The following NR2C2 variants were observed in gnomAD, a reference collection of about 807,000 sequenced individuals.
NR2C2 encodes the protein Nuclear hormone receptor TR4.
NR2C2 carries 6 observed loss-of-function variants against 62.9 expected under a neutral mutation model. The ratio of observed to expected loss-of-function variants is 0.10; its 90% confidence interval spans 0.05 to 0.19. The LOEUF is 0.19. Among genes scored for constraint, NR2C2 ranks in the 10% least tolerant of loss-of-function variants. The probability of loss-of-function intolerance (pLI) is 1.00; values close to 1 mark genes in which losing one functional copy is unlikely to be tolerated. For synonymous variants in NR2C2, 272 were observed against 273.8 expected (o/e 0.99, Z 0.07); for missense variants, 479 against 762.7 (o/e 0.63, Z 4.38).
chr3:15,038,960 G>A, intron 12 of NR2C2, 162 bp from the exon 13 acceptor site: 1 of 620,268 alleles, frequency 1.6e-6, no homozygotes, highest in East Asian at 2.8e-5. Flanking sequence ...GAAAACAGAG[G>A]AAAAGCCAGT....
At chr3:15,041,141 G>A (rs534031133) in intron 13 of NR2C2, among the ~76,000 whole-genome samples, 1 of 152,344 alleles carries the variant, frequency 6.6e-6, no homozygotes, top group South Asian at 2.1e-4. Flanking sequence ...ACTCGAGATA[G>A]TTCTCAAAGA....
At chr3:14,950,379 A>C (rs2039317218) in intron 1 of NR2C2, among the ~76,000 whole-genome samples, 2 of 152,202 alleles carry the variant, frequency 1.3e-5, no homozygotes, top group South Asian at 4.1e-4. Flanking sequence ...ACTAGAACCC[A>C]CGTAATGGCA....
At chr3:14,955,972 C>T (rs2039513658) in intron 1 of NR2C2, among the ~76,000 whole-genome samples, 2 of 152,226 alleles carry the variant, frequency 1.3e-5, no homozygotes, top group South Asian at 2.1e-4. Context: ...CTACCATATA[C>T]ATATCATTGC....
intron 1 of NR2C2, among the ~76,000 whole-genome samples, chr3:14,996,922 T>C (rs1289795082): frequency 6.6e-6 from 1 of 152,212 alleles, no homozygotes; most frequent in Non-Finnish European, 1.5e-5. Context: ...TCTGTCAGAT[T>C]CCATAGCCTG....
chr3:14,998,745 C>G (rs2040902160), intron 1 of NR2C2, among the ~76,000 whole-genome samples: 1 of 152,144 alleles, frequency 6.6e-6, no homozygotes, highest in African/African-American at 2.4e-5. Flanking sequence ...GGTACGCTGG[C>G]TCACACCTGT....
rs921253460 is a variant in NR2C2 at position 14,976,261 on chromosome 3, T to C, written c.-39-27615T>C. ...TTATTCCCATTAGATGAAGAGACTT[T>C]AGTGTTCGTTCAGTGCCATATACTC... is the stretch of plus-strand genomic sequence containing the variant. On this transcript the variant is annotated intron_variant, in intron 1 of 13. Transcript: ENST00000425241. 3.3e-5 allele frequency among the ~76,000 whole-genome samples: 5 copies of C among 152,226 alleles called. No homozygotes were observed. In the East Asian group the frequency reaches 5.8e-4, roughly 18 times the overall value.
At chr3:15,034,409 C>T in intron 10 of NR2C2, 1 of 391,630 alleles carries the variant, frequency 2.6e-6, no homozygotes, top group Non-Finnish European at 4.6e-6. Flanking sequence ...GATGGTTTGG[C>T]CATACCTATT....
intron 1 of NR2C2, among the ~76,000 whole-genome samples, chr3:14,963,482 A>AT (rs1216371171): frequency 6.6e-6 from 1 of 150,748 alleles, no homozygotes; most frequent in Non-Finnish European, 1.5e-5. Flanking sequence ...TTTATTTTTT[A>AT]TTTTTTGAGA....
rs2125110101 is a variant in NR2C2, at chr3:15,044,115, A to T, written c.*1107A>T. On this transcript the variant is annotated 3_prime_UTR_variant, in exon 14 of 14. Coordinates refer to ENST00000425241, the MANE Select transcript of NR2C2 (RefSeq NM_001291694.2). ...CTCGTGTTTCTGCAGCTCCATCATA[A>T]CTGTGAGGCTGGATTGGGGCTGGGC... 1 of 152,362 alleles carries T rather than the reference A, an allele frequency of 6.6e-6. No homozygotes were observed. Among genetic ancestry groups the T allele is most frequent in the East Asian group, 1.9e-4 (1 of 5,184 alleles). The allele number at this position is 152,362 out of a possible 1,614,324, so 9.4% of individuals were successfully genotyped here. A position where few individuals can be genotyped will look rare whatever the true frequency, so the allele number is the denominator to read the frequency against.
chr3:14,965,640 G>GTT (rs35204246), intron 1 of NR2C2, among the ~76,000 whole-genome samples: 5 of 149,436 alleles, frequency 3.3e-5, no homozygotes, highest in African/African-American at 5.0e-5. Context: ...TTTCCTTGCT[G>GTT]TTTTTTTTGT....
At chr3:15,019,874 A>G (rs1482742209) in intron 4 of NR2C2, among the ~76,000 whole-genome samples, 1 of 152,200 alleles carries the variant, frequency 6.6e-6, no homozygotes, top group African/African-American at 2.4e-5. Flanking sequence ...ATAAGGTATT[A>G]TATATTATAA....
chr3:15,013,919 G>T (rs1440349735), intron 3 of NR2C2, 130 bp downstream of exon 3: 2 of 949,876 alleles, frequency 2.1e-6, no homozygotes, highest in East Asian at 2.6e-5. Flanking sequence ...AACATGGCAG[G>T]TTGCTGCTTT....
chr3:14,949,846 C>G (rs1357620343), intron 1 of NR2C2, among the ~76,000 whole-genome samples: 1 of 152,082 alleles, frequency 6.6e-6, no homozygotes, highest in Non-Finnish European at 1.5e-5. Context: ...TGTGTGAGTT[C>G]TCTCTTTCTC....
intron 1 of NR2C2, among the ~76,000 whole-genome samples, chr3:15,001,318 G>GTTTTTTTTTTTTTTTTTTTTTTGTT (rs61017075): frequency 3.0e-4 from 29 of 97,484 alleles, no homozygotes; most frequent in East Asian, 6.1e-4. Context: ...TTTGTTTTGG[G>GTTTTTTTTTTTTTTTTTTTTTTGTT]TTTTTTTTTT....
intron 1 of NR2C2, among the ~76,000 whole-genome samples, chr3:14,957,621 G>T (rs542281936): frequency 6.6e-6 from 1 of 152,096 alleles, no homozygotes; most frequent in Non-Finnish European, 1.5e-5. Context: ...TCACGATGTT[G>T]CCCAGGCTGG....
chr3:14,964,448 T>A (rs1396712341), intron 1 of NR2C2, among the ~76,000 whole-genome samples: 1 of 152,230 alleles, frequency 6.6e-6, no homozygotes, highest in Non-Finnish European at 1.5e-5. Context: ...TCTTACTGCG[T>A]AGTTTATTGT....
intron 1 of NR2C2, among the ~76,000 whole-genome samples, chr3:14,971,109 A>T (rs1261637677): frequency 6.6e-6 from 1 of 152,082 alleles, no homozygotes; most frequent in Non-Finnish European, 1.5e-5. Flanking sequence ...AAGTGTATTA[A>T]ATGCATTTTT....
intron 1 of NR2C2, among the ~76,000 whole-genome samples, chr3:14,991,184 A>G (rs1042342772): frequency 6.6e-6 from 1 of 152,228 alleles, no homozygotes; most frequent in Non-Finnish European, 1.5e-5. Flanking sequence ...CTGGTTTATA[A>G]TATTTAGGTT....
chr3:14,999,783 G>A (rs951682217), intron 1 of NR2C2, among the ~76,000 whole-genome samples: 2 of 151,742 alleles, frequency 1.3e-5, no homozygotes, highest in South Asian at 2.1e-4. Context: ...TTGAATTATC[G>A]TGGCACCTTT....
Sources: allele counts gnomAD v4.1 joint callset (sites outside exome capture counted in the v4.1 genomes callset), GRCh38; gene constraint gnomAD v4.1.1; transcripts MANE v1.5; gene names NCBI Gene and HGNC (gene_info 2026-07-23, HGNC 2026-07-21).